The following SNX18 variants were observed in gnomAD, a reference collection of about 807,000 sequenced individuals.
SNX18 encodes sorting nexin 18, also known as sorting nexin-18.
SNX18 carries 35 observed loss-of-function variants against 48.7 expected under a neutral mutation model. That is an observed-to-expected ratio of 0.72 (90% CI 0.55 to 0.95). SNX18 has a LOEUF of 0.95. Ranked by LOEUF, SNX18 falls within the 40% of genes least tolerant of loss-of-function variation. The pLI, the probability that SNX18 is intolerant of heterozygous loss-of-function variation, is 0.00. For missense variants in SNX18, 824 were observed against 871.0 expected, an observed-to-expected ratio of 0.95 and a Z score of 0.68; for synonymous variants, 492 against 384.7, an observed-to-expected ratio of 1.28 and a Z score of -3.26.
the SNX18 span, among the ~76,000 whole-genome samples, chr5:54,581,062 C>T: frequency 1.3e-5 from 2 of 152,098 alleles, no homozygotes; most frequent in Non-Finnish European, 2.9e-5. Context: ...CAAAGGCTGA[C>T]CCCTGGTCGC....
chr5:54,560,563 C>A, the SNX18 span, among the ~76,000 whole-genome samples: 1 of 152,164 alleles, frequency 6.6e-6, no homozygotes, highest in Non-Finnish European at 1.5e-5. Flanking sequence ...GTCTGTACAA[C>A]AAACCCCCAT....
At chr5:54,548,024 A>C (rs534830782), downstream of SNX18, among the ~76,000 whole-genome samples, 6 of 152,338 alleles carry the variant, frequency 3.9e-5, no homozygotes, top group African/African-American at 1.4e-4. Flanking sequence ...AGAAAAACCC[A>C]GCAGTGGAAG....
the SNX18 span, among the ~76,000 whole-genome samples, chr5:54,577,261 A>T: frequency 6.6e-6 from 1 of 152,118 alleles, no homozygotes; most frequent in Admixed American, 6.5e-5. Context: ...GAGAAAACCC[A>T]TGTCACAGGA....
At chr5:54,607,780 A>G in the SNX18 span, among the ~76,000 whole-genome samples, 1 of 152,060 alleles carries the variant, frequency 6.6e-6, no homozygotes, top group Non-Finnish European at 1.5e-5. Flanking sequence ...AAAAAAATAC[A>G]AAAATTAACC....
At chr5:54,526,196 G>A (rs1452012927) in intron 1 of SNX18, among the ~76,000 whole-genome samples, 2 of 152,206 alleles carry the variant, frequency 1.3e-5, no homozygotes, top group African/African-American at 4.8e-5. Flanking sequence ...CCTCTGCCTC[G>A]CGAGTTCAAA....
the SNX18 span, among the ~76,000 whole-genome samples, chr5:54,585,478 G>T: frequency 6.6e-6 from 1 of 152,072 alleles, no homozygotes; most frequent in African/African-American, 2.4e-5. Context: ...CAGAGGCCTG[G>T]TTCCAGCCTG....
At chr5:54,561,733 T>C in the SNX18 span, among the ~76,000 whole-genome samples, 1 of 152,200 alleles carries the variant, frequency 6.6e-6, no homozygotes, top group Non-Finnish European at 1.5e-5. Flanking sequence ...GACATATACA[T>C]TATGTGTACA....
At chr5:54,578,809 T>G in the SNX18 span, among the ~76,000 whole-genome samples, 1 of 152,214 alleles carries the variant, frequency 6.6e-6, no homozygotes, top group Non-Finnish European at 1.5e-5. Context: ...GATTTCTATC[T>G]CTTACAACCA....
the SNX18 span, among the ~76,000 whole-genome samples, chr5:54,574,205 C>T: frequency 6.6e-5 from 10 of 152,188 alleles, no homozygotes; most frequent in African/African-American, 2.4e-4. Flanking sequence ...CACCTGGGAC[C>T]TCACAAGGCT....
chr5:54,644,047 TA>T, the SNX18 span: 2 of 152,230 alleles, frequency 1.3e-5, no homozygotes, highest in Non-Finnish European at 2.9e-5. Flanking sequence ...CTCATTCCCT[TA>T]TTTATAAGCC....
At position 54,519,215 on chromosome 5, in the gene SNX18, G is replaced by T; in HGVS notation, c.1263G>T (p.Leu421=). 1 of 1,614,118 alleles carries T rather than the reference G, an allele frequency of 6.2e-7. No homozygotes were observed. Among genetic ancestry groups the T allele is most frequent in the Non-Finnish European group, 8.5e-7 (1 of 1,180,014 alleles). Residue 421 remains leucine (L), a synonymous_variant, in exon 1 of 2, where the codon CTG becomes CTT. Transcript: ENST00000381410. ...CGCCCCCCGCCGCTGCCCTTGACCTGCAGGAGGTGGAGAGCAAGATCGACG... is the reference window on the plus strand; with the variant it reads ...CGCCCCCCGCCGCTGCCCTTGACCTTCAGGAGGTGGAGAGCAAGATCGACG... ...LSTPPAAALD[L]QEVESKIDGF...
At chr5:54,593,309 A>G in the SNX18 span, among the ~76,000 whole-genome samples, 1 of 152,074 alleles carries the variant, frequency 6.6e-6, no homozygotes, top group South Asian at 2.1e-4. Context: ...CTCAAAAGTA[A>G]AAATAAAAGT....
At chr5:54,541,219 G>T (rs2111600831) in intron 1 of SNX18, among the ~76,000 whole-genome samples, 1 of 151,876 alleles carries the variant, frequency 6.6e-6, no homozygotes, top group Non-Finnish European at 1.5e-5. Context: ...GTAGAGACAG[G>T]GTTTCACCAT....
chr5:54,592,993 G>T, the SNX18 span, among the ~76,000 whole-genome samples: 2 of 152,026 alleles, frequency 1.3e-5, no homozygotes, highest in Non-Finnish European at 2.9e-5. Flanking sequence ...TAGAGACCGG[G>T]TTTCATCATG....
At chr5:54,527,364 G>T (rs2565005) in intron 1 of SNX18, among the ~76,000 whole-genome samples, 7 of 151,536 alleles carry the variant, frequency 4.6e-5, no homozygotes, top group East Asian at 3.9e-4. Context: ...GAGCCGGGGG[G>T]GGGGGTCCCC....
intron 1 of SNX18, among the ~76,000 whole-genome samples, chr5:54,538,432 G>T (rs1762397872): frequency 6.7e-6 from 1 of 149,142 alleles, no homozygotes; most frequent in African/African-American, 2.4e-5. Context: ...CTGTTTAAAA[G>T]ATGTCATATT....
At chr5:54,612,270 T>A in the SNX18 span, among the ~76,000 whole-genome samples, 157 of 152,180 alleles carry the variant, frequency 1.0e-3, 1 homozygote, top group Middle Eastern at 0.017. Flanking sequence ...TTTTATTTTT[T>A]TTTTTTGAGA....
At chr5:54,637,111 T>C in the SNX18 span, among the ~76,000 whole-genome samples, 7 of 152,254 alleles carry the variant, frequency 4.6e-5, no homozygotes, top group Admixed American at 3.9e-4. Context: ...TGTGTGACAA[T>C]TGGTAAATGA....
the SNX18 span, among the ~76,000 whole-genome samples, chr5:54,639,760 G>A: frequency 6.6e-6 from 1 of 152,138 alleles, no homozygotes; most frequent in African/African-American, 2.4e-5. Context: ...GCCTGAATAA[G>A]CTACGCTCAA....
Sources: allele counts gnomAD v4.1 joint callset (sites outside exome capture counted in the v4.1 genomes callset), GRCh38; gene constraint gnomAD v4.1.1; transcripts MANE v1.5; gene names NCBI Gene and HGNC (gene_info 2026-07-23, HGNC 2026-07-21).